SPTLC3: variants seen among roughly 807,000 people sequenced by gnomAD.
SPTLC3 encodes the protein serine palmitoyltransferase 3.
A neutral mutation model predicts 59.3 loss-of-function variants in SPTLC3; 36 were observed. The ratio of observed to expected loss-of-function variants is 0.61; its 90% CI spans 0.47 to 0.80. The LOEUF (loss-of-function observed/expected upper bound fraction) is 0.80, where lower values mean the gene tolerates loss of function less well. Among genes scored for constraint, SPTLC3 ranks in the 30% least tolerant of loss-of-function variants. The pLI, the probability that SPTLC3 is intolerant of heterozygous loss-of-function variation, is 0.00. For synonymous variants in SPTLC3, 257 were observed against 240.8 expected (o/e 1.07, Z -0.62); for missense variants, 625 against 685.1 (o/e 0.91, Z 0.98).
At chr20:13,080,146 T>G (rs1988788411) in intron 4 of SPTLC3, among the ~76,000 whole-genome samples, 1 of 152,008 alleles carries the variant, frequency 6.6e-6, no homozygotes, top group African/African-American at 2.4e-5. Flanking sequence ...ACTTAGAGAC[T>G]CTCACAAACC....
chr20:13,151,768 T>C (rs2038653404), intron 9 of SPTLC3, among the ~76,000 whole-genome samples: 1 of 152,068 alleles, frequency 6.6e-6, no homozygotes, highest in South Asian at 2.1e-4. Flanking sequence ...AGTGAAAAAA[T>C]GTTAGATGTC....
chr20:13,030,929 A>G (rs1342025957), intron 1 of SPTLC3, among the ~76,000 whole-genome samples: 1 of 152,000 alleles, frequency 6.6e-6, no homozygotes, highest in African/African-American at 2.4e-5. Context: ...ACTCTTAATT[A>G]CTTATAATTT....
In SPTLC3 at chr20:13,023,032, G is replaced by A. The variant is rs150507243; in HGVS notation, c.117+13648G>A. Among the ~76,000 whole-genome samples the A allele has an allele frequency of 1.2e-3, 180 of 152,024 alleles. 1 individual carries two copies. Among genetic ancestry groups the A allele is most frequent in the African/African-American group, 4.0e-3 (165 of 41,454 alleles). On this transcript the variant is annotated intron_variant, in intron 1 of 11. Coordinates refer to ENST00000399002, the MANE Select transcript of SPTLC3 (RefSeq NM_018327.4). ...GTTCCTGGAGCCAGCCACCCATGGC[G>A]TCCTCCCACCTGCAACATTTGCATT... is the stretch of plus-strand genomic sequence containing the variant.
At chr20:13,085,049 G>A (rs1203796862) in intron 4 of SPTLC3, among the ~76,000 whole-genome samples, 1 of 152,084 alleles carries the variant, frequency 6.6e-6, no homozygotes, top group African/African-American at 2.4e-5. Flanking sequence ...CAAAAAGCAG[G>A]TTGATTTGTG....
intron 2 of SPTLC3, chr20:13,049,367 T>TA: frequency 2.5e-6 from 1 of 406,618 alleles, no homozygotes; most frequent in Non-Finnish European, 4.6e-6. Flanking sequence ...GCTTTTCCCA[T>TA]ACCTTGTAAT....
chr20:13,046,889 C>T (rs1987257414), intron 1 of SPTLC3, among the ~76,000 whole-genome samples: 1 of 152,088 alleles, frequency 6.6e-6, no homozygotes, highest in Admixed American at 6.6e-5. Context: ...TTTCATTTAC[C>T]TTTTACTCAA....
At position 13,164,600 on chromosome 20, in the gene SPTLC3, C is replaced by T. The variant is rs1410262540; in HGVS notation, c.1546-154C>T. The T allele has an allele frequency of 4.7e-6, 3 of 633,472 alleles. No homozygotes were observed. In the Admixed American group the frequency reaches 8.5e-5, roughly 18 times the overall value. The allele number at this position is 633,472 out of a possible 1,614,324, so 39.2% of individuals were successfully genotyped here. On this transcript the variant is annotated intron_variant, in intron 11 of 11. Transcript: ENST00000399002. The stretch of plus-strand genomic sequence containing the variant: ...TTCCTCTAGGGTCTTAAACCACAAC[C>T]TAATGGTACGGATCTTGCTTCTTTT...
intron 9 of SPTLC3, among the ~76,000 whole-genome samples, chr20:13,146,968 T>G (rs2038526948): frequency 6.6e-6 from 1 of 152,226 alleles, no homozygotes; most frequent in Admixed American, 6.5e-5. Context: ...AAAAGCCAGT[T>G]CCTGGCTCAC....
chr20:13,072,727 A>G (rs1334160188), intron 3 of SPTLC3, among the ~76,000 whole-genome samples: 3 of 152,354 alleles, frequency 2.0e-5, no homozygotes, highest in Non-Finnish European at 2.9e-5. Context: ...TGAATGAGAC[A>G]GTGATGACCA....
At chr20:13,038,427 C>T (rs1048552576) in intron 1 of SPTLC3, among the ~76,000 whole-genome samples, 23 of 152,006 alleles carry the variant, frequency 1.5e-4, no homozygotes, top group African/African-American at 5.6e-4. Flanking sequence ...ATGTGTCTTT[C>T]TTAGAGTGTC....
chr20:13,050,835 A>AT (rs1370492542), intron 2 of SPTLC3: 4 of 152,306 alleles, frequency 2.6e-5, no homozygotes, highest in Admixed American at 6.5e-5. Flanking sequence ...TAAGCATCAT[A>AT]TTTGAAGGAA....
chr20:13,040,677 G>C (rs1216023329), intron 1 of SPTLC3, among the ~76,000 whole-genome samples: 1 of 150,102 alleles, frequency 6.7e-6, no homozygotes, highest in Non-Finnish European at 1.5e-5. Context: ...CTTTGCCTGT[G>C]CCCCCTTTTT....
Position 13,009,078 on chromosome 20 carries a change from C to G in SPTLC3, c.-190C>G, listed in dbSNP as rs1985084928. The G allele has an allele frequency of 1.7e-6, 1 of 585,440 alleles. No homozygotes were observed. Among genetic ancestry groups the G allele is most frequent in the Non-Finnish European group, 3.0e-6 (1 of 328,498 alleles). 36.3% of individuals were successfully genotyped at this position (585,440 alleles called of 1,614,324 possible). On this transcript the variant is annotated 5_prime_UTR_variant, in exon 1 of 12. Transcript: ENST00000399002. Reference sequence around the variant, plus strand: ...GGGAGTTGAGAAGTATAAAGGTAACCATTTGTTTTAGTTTCAACGATCTGA... The same window carrying G: ...GGGAGTTGAGAAGTATAAAGGTAACGATTTGTTTTAGTTTCAACGATCTGA...
At chr20:13,060,073 T>G (rs1277205646) in intron 2 of SPTLC3, among the ~76,000 whole-genome samples, 3 of 152,196 alleles carry the variant, frequency 2.0e-5, no homozygotes, top group Non-Finnish European at 2.9e-5. Flanking sequence ...GCTAATAATC[T>G]TGCTTCTATC....
chr20:13,141,035 A>G (rs2038369604), intron 9 of SPTLC3, among the ~76,000 whole-genome samples: 1 of 152,196 alleles, frequency 6.6e-6, no homozygotes, highest in Non-Finnish European at 1.5e-5. Flanking sequence ...ACATATTTTT[A>G]CACTTGAGTT....
At chr20:13,068,906 C>T (rs1988334000) in intron 2 of SPTLC3, among the ~76,000 whole-genome samples, 1 of 152,178 alleles carries the variant, frequency 6.6e-6, no homozygotes, top group African/African-American at 2.4e-5. Context: ...CTGTATCTTG[C>T]CCTCAAAGCA....
intron 4 of SPTLC3, among the ~76,000 whole-genome samples, chr20:13,089,785 C>CAAAA (rs752234758): frequency 3.7e-4 from 29 of 79,232 alleles, no homozygotes; most frequent in Non-Finnish European, 5.5e-4. Context: ...GATTCTATCT[C>CAAAA]AAAAAAAAAA....
chr20:13,050,046 A>G (rs1987414672), intron 2 of SPTLC3: 1 of 152,230 alleles, frequency 6.6e-6, no homozygotes, highest in African/African-American at 2.4e-5. Flanking sequence ...CCCCCAAAAT[A>G]TAATACTAGT....
At chr20:13,032,857 G>A (rs1291251789) in intron 1 of SPTLC3, among the ~76,000 whole-genome samples, 1 of 152,128 alleles carries the variant, frequency 6.6e-6, no homozygotes, top group Non-Finnish European at 1.5e-5. Flanking sequence ...AAGATGATGG[G>A]AAATTAAATT....
Sources: allele counts gnomAD v4.1 joint callset (sites outside exome capture counted in the v4.1 genomes callset), GRCh38; gene constraint gnomAD v4.1.1; transcripts MANE v1.5; gene names NCBI Gene and HGNC (gene_info 2026-07-23, HGNC 2026-07-21).